The following PRTFDC1 variants were observed in gnomAD, a reference collection of about 807,000 sequenced individuals.
PRTFDC1 encodes the protein phosphoribosyltransferase domain-containing protein 1.
Under a neutral mutation model 34.6 loss-of-function variants are expected in PRTFDC1, and 38 were observed. The observed-to-expected ratio is 1.10, with a 90% CI of 0.85 to 1.44. The LOEUF (loss-of-function observed/expected upper bound fraction) is 1.44, where lower values mean the gene tolerates loss of function less well. PRTFDC1 is among the 40% of genes most tolerant of loss of function. The probability of loss-of-function intolerance (pLI) is 0.00; values close to 1 mark genes in which losing one functional copy is unlikely to be tolerated. For synonymous variants in PRTFDC1, 93 were observed against 98.1 expected, an observed-to-expected ratio of 0.95 and a Z score of 0.31; for missense variants, 270 against 283.0, an observed-to-expected ratio of 0.95 and a Z score of 0.33.
intron 3 of PRTFDC1, among the ~76,000 whole-genome samples, chr10:24,881,047 C>CT (rs1177583215): frequency 7.7e-6 from 1 of 129,774 alleles, no homozygotes; most frequent in Non-Finnish European, 1.6e-5. Context: ...TTCTTTCTTT[C>CT]TTTCTTTTCT....
At chr10:24,932,318 A>G (rs955490644) in intron 3 of PRTFDC1, among the ~76,000 whole-genome samples, 1 of 151,934 alleles carries the variant, frequency 6.6e-6, no homozygotes, top group Admixed American at 6.6e-5. Flanking sequence ...ATCATGCAAT[A>G]AAAAGAAATA....
intron 5 of PRTFDC1, among the ~76,000 whole-genome samples, chr10:24,857,874 T>TA (rs1847610288): frequency 6.6e-6 from 1 of 152,196 alleles, no homozygotes; most frequent in Non-Finnish European, 1.5e-5. Context: ...CTCTTTTTTT[T>TA]AACAGAAAAA....
At chr10:24,922,440 G>T (rs774746039) in intron 3 of PRTFDC1, among the ~76,000 whole-genome samples, 10 of 152,208 alleles carry the variant, frequency 6.6e-5, no homozygotes, top group Non-Finnish European at 1.3e-4. Flanking sequence ...GTCATGGGAG[G>T]GACCCTGTGG....
intron 3 of PRTFDC1, among the ~76,000 whole-genome samples, chr10:24,929,250 T>C (rs1446047273): frequency 6.6e-6 from 1 of 152,072 alleles, no homozygotes; most frequent in Non-Finnish European, 1.5e-5. Flanking sequence ...AAACCCTTTG[T>C]TCTGAACTGT....
intron 3 of PRTFDC1, among the ~76,000 whole-genome samples, chr10:24,923,293 A>G (rs1335765091): frequency 2.6e-5 from 4 of 152,226 alleles, no homozygotes; most frequent in African/African-American, 9.6e-5. Context: ...TGAAGAGAGC[A>G]GTGGTTCTCC....
chr10:24,868,500 A>G (rs2132507193), intron 4 of PRTFDC1, among the ~76,000 whole-genome samples: 1 of 152,322 alleles, frequency 6.6e-6, no homozygotes, highest in South Asian at 2.1e-4. Context: ...TATTATCACT[A>G]CAGGAGAAAG....
chr10:24,903,106 G>A (rs1051476769), intron 3 of PRTFDC1, among the ~76,000 whole-genome samples: 1 of 152,220 alleles, frequency 6.6e-6, no homozygotes, highest in Non-Finnish European at 1.5e-5. Flanking sequence ...GCTGAGACAG[G>A]AGAATCACTT....
chr10:24,924,853 C>G (rs934067168), intron 3 of PRTFDC1, among the ~76,000 whole-genome samples: 1 of 152,184 alleles, frequency 6.6e-6, no homozygotes, highest in Non-Finnish European at 1.5e-5. Flanking sequence ...GAAATAGGAA[C>G]ACTTTTACAT....
chr10:24,952,506 A>T lies in PRTFDC1; in HGVS notation c.48+22T>A, dbSNP rs376015295. 1.9e-6 allele frequency: 3 copies of T among 1,578,014 alleles called. No homozygotes were observed. Among genetic ancestry groups the T allele is most frequent in the Non-Finnish European group, 2.6e-6 (3 of 1,161,068 alleles). On this transcript the variant is annotated intron_variant, in intron 1 of 8. Transcript: ENST00000320152. The surrounding 1 kb of genome is among the most constrained non-coding windows in gnomAD (Gnocchi z 5.1). ...GAGGGAGGGGAGCGGGCCGAGCCCC[A>T]AAATAGGGAGTTTGCATTTACCACG...
intron 1 of PRTFDC1, 61 bp from the exon 2 acceptor site, chr10:24,942,497 CAAA>C: frequency 7.6e-7 from 1 of 1,324,488 alleles, no homozygotes; most frequent in South Asian, 1.2e-5. Context: ...TAAAACATAA[CAAA>C]AGAGTATCAC....
intron 3 of PRTFDC1, among the ~76,000 whole-genome samples, chr10:24,898,749 G>T (rs2132549783): frequency 6.6e-6 from 1 of 152,240 alleles, no homozygotes; most frequent in Non-Finnish European, 1.5e-5. Context: ...AGTCATTGTG[G>T]CCAAGTATAC....
At chr10:24,898,817 G>A (rs772263800) in intron 3 of PRTFDC1, among the ~76,000 whole-genome samples, 24 of 152,136 alleles carry the variant, frequency 1.6e-4, no homozygotes, top group Admixed American at 9.8e-4. Flanking sequence ...GAATGTTTAT[G>A]TCTCCCCCAA....
At chr10:24,907,353 C>T (rs577532914) in intron 3 of PRTFDC1, among the ~76,000 whole-genome samples, 172 of 152,020 alleles carry the variant, frequency 1.1e-3, no homozygotes, top group African/African-American at 4.0e-3. Context: ...CCAGCACTTT[C>T]GGAGGCTGAG....
Position 24,848,677 on chromosome 10 carries a change from C to T in PRTFDC1, c.*1167G>A, listed in dbSNP as rs531285952. 8 of 152,166 alleles carry T rather than the reference C, an allele frequency of 5.3e-5. No homozygotes were observed. Among genetic ancestry groups the T allele is most frequent in the South Asian group, 4.1e-4 (2 of 4,830 alleles). 9.4% of individuals were successfully genotyped at this position (152,166 alleles called of 1,614,324 possible). A position where few individuals can be genotyped will look rare whatever the true frequency, so the allele number is the denominator to read the frequency against. On this transcript the variant is annotated 3_prime_UTR_variant, in exon 9 of 9. Coordinates refer to ENST00000320152, the MANE Select transcript of PRTFDC1 (RefSeq NM_020200.7). ...AGGAAGCTAGAACCTAATAACAATA[C>T]GCCACATACGGTTCAGAACCAAACA...
intron 3 of PRTFDC1, among the ~76,000 whole-genome samples, chr10:24,919,425 G>A (rs1848746090): frequency 6.6e-6 from 1 of 152,172 alleles, no homozygotes; most frequent in Non-Finnish European, 1.5e-5. Flanking sequence ...GAACTGGTTA[G>A]CCATGTGCAG....
chr10:24,882,350 A>C (rs1848093156), intron 3 of PRTFDC1, among the ~76,000 whole-genome samples: 1 of 152,172 alleles, frequency 6.6e-6, no homozygotes, highest in Admixed American at 6.5e-5. Flanking sequence ...AAGCACATCC[A>C]ACTGAAATTT....
chr10:24,887,366 G>A (rs1848186982), intron 3 of PRTFDC1, among the ~76,000 whole-genome samples: 1 of 152,140 alleles, frequency 6.6e-6, no homozygotes, highest in Non-Finnish European at 1.5e-5. Context: ...GGAGGGACCT[G>A]GTGGAGAATC....
intron 2 of PRTFDC1, among the ~76,000 whole-genome samples, chr10:24,937,588 C>T (rs1327618470): frequency 6.9e-6 from 1 of 145,120 alleles, no homozygotes; most frequent in East Asian, 2.1e-4. Context: ...GATGGAGTCT[C>T]ACTCTGTTGC....
chr10:24,917,497 G>C (rs1848712276), intron 3 of PRTFDC1, among the ~76,000 whole-genome samples: 1 of 152,174 alleles, frequency 6.6e-6, no homozygotes, highest in Non-Finnish European at 1.5e-5. Context: ...CCATGGGAAT[G>C]TTAAACATAA....
Sources: gnomAD v4.1 joint callset for allele counts (sites outside exome capture counted in the v4.1 genomes callset) on GRCh38, gnomAD v4.1.1 for gene constraint, Gnocchi (gnomAD v3.1) non-coding constraint, MANE v1.5 for transcripts, NCBI Gene and HGNC (gene_info 2026-07-23, HGNC 2026-07-21) for gene names.